The following SMAP2 variants were observed in gnomAD, a reference collection of about 807,000 sequenced individuals.
The protein encoded by SMAP2 is small ArfGAP2.
A neutral mutation model predicts 56.4 loss-of-function variants in SMAP2; 25 were observed. The ratio of observed to expected loss-of-function variants is 0.44; its 90% CI spans 0.32 to 0.62. The LOEUF is 0.62. Ranked by LOEUF, SMAP2 falls within the 20% of genes least tolerant of loss-of-function variation. SMAP2 has a pLI of 0.04. For synonymous variants in SMAP2, 157 were observed against 181.7 expected (o/e 0.86, Z 1.09); for missense variants, 388 against 545.6 (o/e 0.71, Z 2.88).
At chr1:40,390,430 G>A (rs1259679362) in intron 1 of SMAP2, among the ~76,000 whole-genome samples, 1 of 152,192 alleles carries the variant, frequency 6.6e-6, no homozygotes, top group Admixed American at 6.5e-5. Context: ...TTTATGTAGA[G>A]CCTCTGCCTG....
intron 1 of SMAP2, among the ~76,000 whole-genome samples, chr1:40,378,364 A>G (rs209577): frequency 0.36 from 55,159 of 152,114 alleles, 10,546 homozygotes; most frequent in Non-Finnish European, 0.43. Flanking sequence ...AGGGCTGACT[A>G]TACCTTTCTG....
At chr1:40,347,724 T>C (rs1644394912) in intron 1 of SMAP2, among the ~76,000 whole-genome samples, 2 of 152,186 alleles carry the variant, frequency 1.3e-5, no homozygotes, top group Non-Finnish European at 2.9e-5. Flanking sequence ...TATTGGTTTA[T>C]AGTATAGCAT....
intron 1 of SMAP2, among the ~76,000 whole-genome samples, chr1:40,347,413 T>C (rs1395617923): frequency 2.6e-5 from 4 of 152,100 alleles, no homozygotes; most frequent in African/African-American, 9.7e-5. Context: ...ATTTCTTTCA[T>C]TGGTAATAAG....
intron 1 of SMAP2, among the ~76,000 whole-genome samples, chr1:40,383,319 G>A (rs1644617458): frequency 6.6e-6 from 1 of 152,150 alleles, no homozygotes; most frequent in South Asian, 2.1e-4. Flanking sequence ...GCTGCTCCCT[G>A]CTCCTGCCTC....
chr1:40,381,837 C>G (rs554209495), intron 1 of SMAP2, among the ~76,000 whole-genome samples: 1 of 152,042 alleles, frequency 6.6e-6, no homozygotes, highest in Non-Finnish European at 1.5e-5. Context: ...AGCATGGTGC[C>G]GATTAAATTC....
intron 1 of SMAP2, chr1:40,396,803 C>G: frequency 1.0e-6 from 1 of 982,916 alleles, no homozygotes; most frequent in South Asian, 4.7e-5. Context: ...CAGCCCTACA[C>G]AATTTTTCCA....
At position 40,357,800 on chromosome 1, in the gene SMAP2, C is replaced by A. The variant is rs891955046; in HGVS notation, c.-82-4500C>A. Among the ~76,000 whole-genome samples the A allele has an allele frequency of 3.3e-5, 5 of 152,200 alleles. No homozygotes were observed. The South Asian group carries it at 1.0e-3, about 32-fold the overall frequency. ...ATTTGTCTATATGTCCATTTTTGTG[C>A]CAATGCCATGCTGTTTTGGTTACTA... On this transcript the variant is annotated intron_variant, in intron 1 of 6. Coordinates refer to the SMAP2 transcript ENST00000435168.
rs767144040 is a variant in SMAP2 at position 40,385,246 on chromosome 1, T to C, written c.103+11023T>C. On this transcript the variant is annotated intron_variant, in intron 1 of 9. Coordinates refer to ENST00000372718, the MANE Select transcript of SMAP2 (RefSeq NM_022733.3). This position sits in a 1 kb window ranked among gnomAD's most constrained non-coding sequence, Gnocchi z 4.5. ...GTAGTAGAATTTTATTATTGTTGCT[T>C]TTTTTCATTTTCAATTAATGTTAAG... Among the ~76,000 whole-genome samples, 1 of 152,198 alleles carries C rather than the reference T, an allele frequency of 6.6e-6. No homozygotes were observed. The highest frequency in any genetic ancestry group is 2.4e-5 in the African/African-American group (1 of 41,438).
At chr1:40,406,647 C>T in intron 1 of SMAP2, 89 bp from the exon 2 acceptor site, 1 of 1,396,206 alleles carries the variant, frequency 7.2e-7, no homozygotes, top group Non-Finnish European at 9.8e-7. Flanking sequence ...CACTTATGTT[C>T]TAGCAGAAAT....
chr1:40,363,274 A>C (rs1332927059), intron 2 of SMAP2, among the ~76,000 whole-genome samples: 3 of 152,200 alleles, frequency 2.0e-5, no homozygotes, highest in Non-Finnish European at 2.9e-5. Context: ...CCATAGCAGG[A>C]AGTGAATAAG....
intron 1 of SMAP2, among the ~76,000 whole-genome samples, chr1:40,393,729 A>T (rs1357205707): frequency 6.6e-6 from 1 of 151,932 alleles, no homozygotes; most frequent in Non-Finnish European, 1.5e-5. Flanking sequence ...TATTTTTAGT[A>T]GAGATGGGGT....
intron 1 of SMAP2, among the ~76,000 whole-genome samples, chr1:40,406,027 G>A (rs912419190): frequency 1.3e-5 from 2 of 152,108 alleles, no homozygotes; most frequent in African/African-American, 4.8e-5. Flanking sequence ...CCTGGGGTTG[G>A]GGGGAAGATA....
chr1:40,384,860 C>A (rs773240079), intron 1 of SMAP2, among the ~76,000 whole-genome samples: 1 of 152,170 alleles, frequency 6.6e-6, no homozygotes, highest in Non-Finnish European at 1.5e-5. Flanking sequence ...TGGTCCATTT[C>A]AACTTAAGAG....
chr1:40,386,633 AT>A lies in SMAP2; in HGVS notation c.103+12413del, dbSNP rs931612343. Reference sequence around the variant, plus strand: ...TTCTCATACATTTAAGGAAAAAAAGATTTGTTGCCATAGGAACAGACCAGTT... The same window carrying A: ...TTCTCATACATTTAAGGAAAAAAAGATTGTTGCCATAGGAACAGACCAGTT... On this transcript the variant is annotated intron_variant, in intron 1 of 9. Transcript: ENST00000372718. This position sits in a 1 kb window ranked among gnomAD's most constrained non-coding sequence, Gnocchi z 4.1. Among the ~76,000 whole-genome samples, 4 of 151,524 alleles carry A rather than the reference AT, an allele frequency of 2.6e-5. No individual in the cohort carries two copies. Among genetic ancestry groups the A allele is most frequent in the African/African-American group, 9.8e-5 (4 of 40,814 alleles).
intron 1 of SMAP2, among the ~76,000 whole-genome samples, chr1:40,396,042 TC>T (rs1030241844): frequency 6.6e-6 from 1 of 152,234 alleles, no homozygotes; most frequent in Non-Finnish European, 1.5e-5. Flanking sequence ...CTATGTCTGT[TC>T]TATCATTGAG....
chr1:40,394,588 A>G (rs1644751305), intron 1 of SMAP2, among the ~76,000 whole-genome samples: 1 of 152,092 alleles, frequency 6.6e-6, no homozygotes, highest in South Asian at 2.1e-4. Context: ...TCCTTAAAAT[A>G]TGTTGGCTCT....
upstream of SMAP2, among the ~76,000 whole-genome samples, chr1:40,371,740 G>A (rs561310623): frequency 8.5e-5 from 13 of 152,162 alleles, no homozygotes; most frequent in Non-Finnish European, 1.8e-4. Context: ...AAGGCAAAAC[G>A]CCAGAAATAT....
At position 40,374,112 on chromosome 1, in the gene SMAP2, A is replaced by T. The variant is rs759297650; in HGVS notation, c.-9A>T. The stretch of plus-strand genomic sequence containing the variant: ...CGCGTCGCCCTCTGCCCCCGCCGGC[A>T]CCCTGGCCATGACAGGCAAGTCGGT... On this transcript the variant is annotated 5_prime_UTR_variant, in exon 1 of 10. Transcript: ENST00000372718. This position sits in a 1 kb window ranked among gnomAD's most constrained non-coding sequence, Gnocchi z 5.9. 1.2e-6 allele frequency: 2 copies of T among 1,608,882 alleles called. No homozygotes were observed. The highest frequency in any genetic ancestry group is 1.7e-5 in the Admixed American group (1 of 59,322).
In SMAP2 at chr1:40,422,317, G is replaced by A. The variant is rs767969302; in HGVS notation, c.*216G>A. On this transcript the variant is annotated 3_prime_UTR_variant, in exon 10 of 10. Coordinates refer to ENST00000372718, the MANE Select transcript of SMAP2 (RefSeq NM_022733.3). ...GTACATGCCCCATAGCCATCCCAAC[G>A]TCCTCCCCAGTCCTCTCCTGGCACC... The A allele has an allele frequency of 1.9e-5, 10 of 526,054 alleles. No homozygotes were observed. Among genetic ancestry groups the A allele is most frequent in the East Asian group, 7.3e-5 (2 of 27,376 alleles). The allele number at this position is 526,054 out of a possible 1,614,324, so 32.6% of individuals were successfully genotyped here.
Sources: gnomAD v4.1 joint callset for allele counts (sites outside exome capture counted in the v4.1 genomes callset) on GRCh38, gnomAD v4.1.1 for gene constraint, Gnocchi (gnomAD v3.1) non-coding constraint, MANE v1.5 for transcripts, NCBI Gene and HGNC (gene_info 2026-07-23, HGNC 2026-07-21) for gene names.